FBXO15: variants seen among roughly 807,000 people sequenced by gnomAD.
FBXO15 encodes the protein F-box protein 15.
Under a neutral mutation model 49.5 loss-of-function variants are expected in FBXO15, and 30 were observed. That is an observed-to-expected ratio of 0.61 (90% CI 0.45 to 0.82). FBXO15 has a LOEUF of 0.82. Ranked by LOEUF, FBXO15 falls within the 40% of genes least tolerant of loss-of-function variation. The pLI is 0.00. For missense variants in FBXO15, 591 were observed against 631.5 expected (o/e 0.94, Z 0.69); for synonymous variants, 250 against 232.7 (o/e 1.07, Z -0.68).
intron 3 of FBXO15, among the ~76,000 whole-genome samples, chr18:74,131,144 C>A (rs182776965): frequency 1.3e-5 from 2 of 152,100 alleles, no homozygotes; most frequent in Non-Finnish European, 2.9e-5. Flanking sequence ...ACAAGGAATA[C>A]GCTTTCACAA....
chr18:74,140,158 T>A, intron 2 of FBXO15, 44 bp downstream of exon 2: 1 of 1,489,960 alleles, frequency 6.7e-7, no homozygotes, highest in Non-Finnish European at 9.1e-7. Flanking sequence ...AATAACCCCA[T>A]GCCTAGAGGC....
chr18:74,077,665 C>T (rs781497920), intron 9 of FBXO15, among the ~76,000 whole-genome samples: 1 of 152,196 alleles, frequency 6.6e-6, no homozygotes, highest in Non-Finnish European at 1.5e-5. Flanking sequence ...AAACACCCTA[C>T]ACTGCAGCCT....
chr18:74,090,874 T>A (rs1170078936), intron 8 of FBXO15, among the ~76,000 whole-genome samples: 1 of 152,180 alleles, frequency 6.6e-6, no homozygotes, highest in East Asian at 1.9e-4. Flanking sequence ...GAAGAGCGTA[T>A]ATTCTGTTGT....
In FBXO15 at chr18:74,075,033, G is replaced by T. The variant is rs1237248543; in HGVS notation, c.1264-1303C>A. Among the ~76,000 whole-genome samples the T allele has an allele frequency of 1.3e-5, 2 of 152,168 alleles. No individual in the cohort carries two copies. The highest frequency in any genetic ancestry group is 2.9e-5 in the Non-Finnish European group (2 of 68,040). On this transcript the variant is annotated intron_variant, in intron 9 of 9. Transcript: ENST00000419743. The surrounding 1 kb of genome is among the most constrained non-coding windows in gnomAD (Gnocchi z 4.1). ...AGAGGAGCGCAGTTATTTTCTATCT[G>T]TCTGGACCTGAGCACCAAGCACAGC...
intron 8 of FBXO15, among the ~76,000 whole-genome samples, chr18:74,118,503 A>G (rs570868578): frequency 1.7e-4 from 26 of 149,906 alleles, no homozygotes; most frequent in Non-Finnish European, 2.7e-4. Context: ...GAGAGAGAGA[A>G]AGAGAAAGAA....
intron 8 of FBXO15, among the ~76,000 whole-genome samples, chr18:74,109,081 G>T (rs1483466993): frequency 6.6e-6 from 1 of 151,968 alleles, no homozygotes; most frequent in Non-Finnish European, 1.5e-5. Flanking sequence ...AAAGGAAAAT[G>T]ATCATCTGAC....
intron 8 of FBXO15, among the ~76,000 whole-genome samples, chr18:74,120,328 A>C (rs1020343021): frequency 6.6e-6 from 1 of 152,218 alleles, no homozygotes; most frequent in Admixed American, 6.5e-5. Context: ...GGTATTACCT[A>C]ATTAATATTT....
At chr18:74,137,523 C>T (rs947731332) in intron 2 of FBXO15, among the ~76,000 whole-genome samples, 1 of 152,190 alleles carries the variant, frequency 6.6e-6, no homozygotes, top group African/African-American at 2.4e-5. Context: ...CCCCACTGGA[C>T]TAACCTAATG....
intron 1 of FBXO15, 96 bp from the exon 2 acceptor site, chr18:74,140,408 A>C: frequency 9.2e-7 from 1 of 1,089,604 alleles, no homozygotes; most frequent in South Asian, 2.0e-5. Context: ...CATAAACTCC[A>C]AAGATTACTC....
chr18:74,092,446 A>G (rs2097065), intron 8 of FBXO15, among the ~76,000 whole-genome samples: 34,528 of 151,958 alleles, frequency 0.23, 5,194 homozygotes, highest in African/African-American at 0.41. Context: ...GTGAGAAGAC[A>G]CTCTGGCTTC....
intron 8 of FBXO15, among the ~76,000 whole-genome samples, chr18:74,118,440 A>G (rs918910900): frequency 3.3e-5 from 5 of 152,108 alleles, no homozygotes; most frequent in Non-Finnish European, 5.9e-5. Flanking sequence ...GTATATACAC[A>G]CACACATGTT....
intron 8 of FBXO15, among the ~76,000 whole-genome samples, chr18:74,092,513 T>C (rs895451415): frequency 1.3e-5 from 2 of 152,204 alleles, no homozygotes; most frequent in Admixed American, 6.5e-5. Context: ...CTGATGTTTC[T>C]TCAATCTTCG....
intron 2 of FBXO15, among the ~76,000 whole-genome samples, chr18:74,139,511 T>C (rs1391022240): frequency 6.6e-6 from 1 of 152,242 alleles, no homozygotes; most frequent in Non-Finnish European, 1.5e-5. Context: ...TACAGATATG[T>C]ACACTGTTAG....
intron 4 of FBXO15, among the ~76,000 whole-genome samples, chr18:74,130,131 T>C (rs558642249): frequency 6.6e-5 from 10 of 152,332 alleles, no homozygotes; most frequent in South Asian, 6.2e-4. Flanking sequence ...GTAAATGCTG[T>C]GCAAACTGTT....
At position 74,101,883 on chromosome 18, in the gene FBXO15, C is replaced by T. The variant is rs189745509; in HGVS notation, c.1139-19832G>A. Among the ~76,000 whole-genome samples, 237 of 152,112 alleles carry T rather than the reference C, an allele frequency of 1.6e-3. 1 individual carries two copies. Among genetic ancestry groups the T allele is most frequent in the African/African-American group, 5.5e-3 (229 of 41,526 alleles). ...AGTGGGGAAAGGATACCCTATTCAA[C>T]AAATGTGCTGGGATAATTGGCAAGT... On this transcript the variant is annotated intron_variant, in intron 8 of 9. Transcript: ENST00000419743.
intron 9 of FBXO15, among the ~76,000 whole-genome samples, chr18:74,081,330 C>T (rs1912486164): frequency 6.6e-6 from 1 of 152,138 alleles, no homozygotes; most frequent in African/African-American, 2.4e-5. Context: ...TGGAGAGTGA[C>T]AAGAACCAGG....
At chr18:74,145,594 C>CTTTGTTT (rs1979354966) in intron 1 of FBXO15, among the ~76,000 whole-genome samples, 1 of 96,370 alleles carries the variant, frequency 1.0e-5, no homozygotes, top group African/African-American at 4.9e-5. Flanking sequence ...ACCAACTGCA[C>CTTTGTTT]TTTTTTTTTT....
Position 74,126,649 on chromosome 18 carries a change from G to A in FBXO15, c.786-548C>T, listed in dbSNP as rs571161012. 5.3e-5 allele frequency among the ~76,000 whole-genome samples: 8 copies of A among 152,312 alleles called. No individual in the cohort carries two copies. In the South Asian group the frequency reaches 1.7e-3, roughly 32 times the overall value. On this transcript the variant is annotated intron_variant, in intron 5 of 9. Transcript: ENST00000419743. Reference sequence around the variant, plus strand: ...CTAAATCACCAGTGTTTTCATAAAGGAGACACTAACACAGCATTAGACTGA... The same window carrying A: ...CTAAATCACCAGTGTTTTCATAAAGAAGACACTAACACAGCATTAGACTGA...
chr18:74,142,742 G>C (rs1979164397), intron 1 of FBXO15, among the ~76,000 whole-genome samples: 1 of 152,090 alleles, frequency 6.6e-6, no homozygotes, highest in Admixed American at 6.5e-5. Context: ...TATACCTGCA[G>C]AGACCCTATA....
Sources: allele counts gnomAD v4.1 joint callset (sites outside exome capture counted in the v4.1 genomes callset), GRCh38; gene constraint gnomAD v4.1.1; non-coding constraint Gnocchi (gnomAD v3.1); transcripts MANE v1.5; gene names NCBI Gene and HGNC (gene_info 2026-07-23, HGNC 2026-07-21).